The following ARB2A variants were observed in gnomAD, a reference collection of about 807,000 sequenced individuals.
ARB2A encodes cotranscriptional regulator ARB2A.
At chr5:93,622,794 C>T in the ARB2A span, among the ~76,000 whole-genome samples, 9 of 152,174 alleles carry the variant, frequency 5.9e-5, no homozygotes, top group Non-Finnish European at 1.5e-5. Flanking sequence ...GTAGGTTTAT[C>T]TTGTTAAATC....
chr5:93,724,369 G>A, the ARB2A span, among the ~76,000 whole-genome samples: 3 of 152,054 alleles, frequency 2.0e-5, no homozygotes, highest in South Asian at 6.2e-4. Context: ...GGGAAACAAA[G>A]TCCTGTAACA....
chr5:93,923,425 T>C, the ARB2A span, among the ~76,000 whole-genome samples: 2 of 152,206 alleles, frequency 1.3e-5, no homozygotes, highest in Non-Finnish European at 2.9e-5. Context: ...ACTGTATTTT[T>C]TTATTATTTT....
chr5:93,755,898 G>A, the ARB2A span, among the ~76,000 whole-genome samples: 2 of 152,134 alleles, frequency 1.3e-5, no homozygotes, highest in African/African-American at 2.4e-5. Flanking sequence ...CTCGGGGGAG[G>A]GTGCAAATCC....
At chr5:93,794,712 A>C in the ARB2A span, among the ~76,000 whole-genome samples, 2 of 152,266 alleles carry the variant, frequency 1.3e-5, no homozygotes, top group South Asian at 4.1e-4. Flanking sequence ...CAGCAGAGCT[A>C]CTGGGCTCTG....
the ARB2A span, among the ~76,000 whole-genome samples, chr5:93,770,184 T>G: frequency 2.0e-5 from 3 of 152,108 alleles, no homozygotes; most frequent in African/African-American, 7.2e-5. Context: ...TAAGGTTGTT[T>G]TTACTCAGGC....
chr5:94,055,723 A>G, the ARB2A span: 1 of 985,458 alleles, frequency 1.0e-6, no homozygotes, highest in Non-Finnish European at 1.2e-6. Context: ...GACTTGCAGT[A>G]GCCAGAATGT....
chr5:93,855,040 C>T, the ARB2A span, among the ~76,000 whole-genome samples: 2 of 152,070 alleles, frequency 1.3e-5, no homozygotes, highest in African/African-American at 2.4e-5. Flanking sequence ...GTTGATATGT[C>T]TAATGTTGAT....
the ARB2A span, among the ~76,000 whole-genome samples, chr5:94,026,472 T>C: frequency 1.3e-5 from 2 of 152,002 alleles, no homozygotes; most frequent in Non-Finnish European, 2.9e-5. Flanking sequence ...ATGAGGATGA[T>C]TTTTCTCCCA....
At chr5:93,836,259 C>T in the ARB2A span, among the ~76,000 whole-genome samples, 1 of 152,094 alleles carries the variant, frequency 6.6e-6, no homozygotes, top group Admixed American at 6.6e-5. Flanking sequence ...GATCTCCTGA[C>T]CTCATGATCC....
chr5:93,903,661 C>T, the ARB2A span, among the ~76,000 whole-genome samples: 1 of 151,372 alleles, frequency 6.6e-6, no homozygotes, highest in Non-Finnish European at 1.5e-5. Flanking sequence ...GCATAACATA[C>T]AAGTGAACAA....
chr5:93,988,342 T>C, the ARB2A span, among the ~76,000 whole-genome samples: 1 of 152,170 alleles, frequency 6.6e-6, no homozygotes, highest in African/African-American at 2.4e-5. Context: ...TATCTATTTC[T>C]CATATTTAAT....
At chr5:93,703,968 G>A in the ARB2A span, among the ~76,000 whole-genome samples, 1 of 152,146 alleles carries the variant, frequency 6.6e-6, no homozygotes, top group East Asian at 1.9e-4. Flanking sequence ...TCGCTCTGGA[G>A]TTGCAAAGCT....
the ARB2A span, among the ~76,000 whole-genome samples, chr5:93,847,797 C>T: frequency 6.6e-6 from 1 of 152,090 alleles, no homozygotes; most frequent in African/African-American, 2.4e-5. Context: ...TTATTCCAGG[C>T]TAAAATAGCT....
chr5:93,932,902 T>C, the ARB2A span, among the ~76,000 whole-genome samples: 1 of 152,186 alleles, frequency 6.6e-6, no homozygotes, highest in Non-Finnish European at 1.5e-5. Flanking sequence ...TAAGTATTCA[T>C]CTGACAAAGG....
the ARB2A span, among the ~76,000 whole-genome samples, chr5:93,692,354 AAAAC>A: frequency 2.6e-5 from 4 of 152,170 alleles, no homozygotes; most frequent in East Asian, 5.8e-4. Flanking sequence ...AACAAAAACA[AAAAC>A]AAAACAAAAC....
the ARB2A span, among the ~76,000 whole-genome samples, chr5:93,768,760 A>G: frequency 3.4e-4 from 52 of 152,046 alleles, no homozygotes; most frequent in East Asian, 9.5e-3. Context: ...AAAAACATTT[A>G]TTTAGTGGAG....
chr5:93,816,688 T>C, the ARB2A span, among the ~76,000 whole-genome samples: 1 of 152,158 alleles, frequency 6.6e-6, no homozygotes, highest in African/African-American at 2.4e-5. Flanking sequence ...AAGATCCTTA[T>C]TAAAGATTAG....
the ARB2A span, among the ~76,000 whole-genome samples, chr5:93,668,077 T>C: frequency 1.8e-4 from 27 of 152,308 alleles, no homozygotes; most frequent in African/African-American, 6.3e-4. Flanking sequence ...AAAAGCAATA[T>C]AAAAATATTA....
At chr5:94,100,268 T>C in the ARB2A span, among the ~76,000 whole-genome samples, 1 of 152,070 alleles carries the variant, frequency 6.6e-6, no homozygotes, top group Non-Finnish European at 1.5e-5. Context: ...TACAAAACAC[T>C]GCTGAAAGAA....
Sources: allele counts gnomAD v4.1 joint callset (sites outside exome capture counted in the v4.1 genomes callset), GRCh38; gene constraint gnomAD v4.1.1; transcripts MANE v1.5; gene names NCBI Gene and HGNC (gene_info 2026-07-23, HGNC 2026-07-21).